VAMP7: variants seen among roughly 807,000 people sequenced by gnomAD.
VAMP7 encodes the protein vesicle associated membrane protein 7, also known as vesicle-associated membrane protein 7.
Under a neutral mutation model 29.6 loss-of-function variants are expected in VAMP7, and 14 were observed. That is an observed-to-expected ratio of 0.47 (90% CI 0.31 to 0.74). VAMP7 has a LOEUF of 0.74. Ranked by LOEUF, VAMP7 falls within the 30% of genes least tolerant of loss-of-function variation. The probability of loss-of-function intolerance (pLI) is 0.05; values close to 1 mark genes in which losing one functional copy is unlikely to be tolerated. For missense variants in VAMP7, 223 were observed against 262.4 expected, an observed-to-expected ratio of 0.85 and a Z score of 1.04; for synonymous variants, 95 against 88.1, an observed-to-expected ratio of 1.08 and a Z score of -0.44.
intron 2 of VAMP7, among the ~76,000 whole-genome samples, chrX:155,889,975 G>T (rs1458958004): frequency 6.6e-6 from 1 of 152,070 alleles, no homozygotes; most frequent in Non-Finnish European, 1.5e-5. Context: ...CAGGCACTTT[G>T]CTTGGTGCTG....
chrX:155,893,326 G>A (rs2065947352), intron 2 of VAMP7, among the ~76,000 whole-genome samples: 1 of 152,114 alleles, frequency 6.6e-6, no homozygotes, highest in Admixed American at 6.6e-5. Flanking sequence ...TGGAGATTTG[G>A]GAATCATTGG....
At chrX:155,899,840 A>G (rs1168731475) in intron 4 of VAMP7, among the ~76,000 whole-genome samples, 1 of 152,144 alleles carries the variant, frequency 6.6e-6, no homozygotes, top group Non-Finnish European at 1.5e-5. Flanking sequence ...TAGAGATAAT[A>G]GCATCGTTTC....
intron 4 of VAMP7, among the ~76,000 whole-genome samples, chrX:155,899,047 G>A (rs1173685445): frequency 6.6e-6 from 1 of 151,950 alleles, no homozygotes; most frequent in African/African-American, 2.4e-5. Context: ...CCTGTTGCTG[G>A]ATATTTGGGT....
At chrX:155,911,549 TC>T (rs1421881935) in intron 5 of VAMP7, among the ~76,000 whole-genome samples, 5 of 152,122 alleles carry the variant, frequency 3.3e-5, no homozygotes, top group African/African-American at 1.2e-4. Flanking sequence ...GGGCTTATGG[TC>T]ATTTTAATAA....
chrX:155,911,604 C>G (rs1298579925), intron 5 of VAMP7, among the ~76,000 whole-genome samples: 1 of 151,642 alleles, frequency 6.6e-6, no homozygotes, highest in African/African-American at 2.4e-5. Flanking sequence ...CTTTCTGTAT[C>G]TTTGTGTCAT....
chrX:155,899,850 C>G (rs184123008), intron 4 of VAMP7, among the ~76,000 whole-genome samples: 394 of 152,140 alleles, frequency 2.6e-3, no homozygotes, highest in African/African-American at 9.1e-3. Flanking sequence ...AGCATCGTTT[C>G]ATAGAGTTTT....
intron 6 of VAMP7, among the ~76,000 whole-genome samples, chrX:155,930,695 TA>T (rs1457169968): frequency 3.2e-3 from 480 of 149,098 alleles, no homozygotes; most frequent in African/African-American, 0.011. Flanking sequence ...TTTTATTTTT[TA>T]TTTTTTTTAT....
intron 5 of VAMP7, among the ~76,000 whole-genome samples, chrX:155,903,416 A>T (rs895109244): frequency 2.0e-5 from 3 of 152,186 alleles, no homozygotes; most frequent in African/African-American, 7.2e-5. Context: ...GAGTGAACAG[A>T]CAACCTACAA....
intron 7 of VAMP7, 147 bp from the exon 8 acceptor site, chrX:155,941,736 T>C (rs2066746464): frequency 1.0e-6 from 1 of 991,284 alleles, no homozygotes; most frequent in Non-Finnish European, 1.4e-6. Flanking sequence ...TCTTGGAAAA[T>C]ACTTGTTTAG....
chrX:155,911,308 G>C (rs1001957468), intron 5 of VAMP7, among the ~76,000 whole-genome samples: 3 of 152,068 alleles, frequency 2.0e-5, no homozygotes, highest in Non-Finnish European at 2.9e-5. Context: ...CATCGACCTT[G>C]TGTCTGTTTT....
At chrX:155,919,197 A>G (rs1169081293) in intron 5 of VAMP7, among the ~76,000 whole-genome samples, 2 of 152,154 alleles carry the variant, frequency 1.3e-5, no homozygotes, top group East Asian at 3.9e-4. Flanking sequence ...CAGTGAAGCC[A>G]GCTGATTCTG....
chrX:155,909,662 C>T (rs1381760796), intron 5 of VAMP7, among the ~76,000 whole-genome samples: 5 of 152,132 alleles, frequency 3.3e-5, no homozygotes, highest in African/African-American at 1.2e-4. Flanking sequence ...AATTTATTTT[C>T]TCACATTTCT....
In VAMP7 at chrX:155,889,676, GGTAGAAAA is replaced by G. The variant is rs1169348757; in HGVS notation, c.146+73_146+80del. The stretch of plus-strand genomic sequence containing the variant: ...GGAATTCTGTTACTCTAATCAGAAC[GGTAGAAAA>G]GTAGAAAACAAGCTTCTAGGTACAT... On this transcript the variant is annotated intron_variant, in intron 2 of 7. Coordinates refer to ENST00000286448, the MANE Select transcript of VAMP7 (RefSeq NM_005638.6). 4 of 1,531,220 alleles carry G rather than the reference GGTAGAAAA, an allele frequency of 2.6e-6. No homozygotes were observed. In the Admixed American group the frequency reaches 7.7e-5, roughly 29 times the overall value. 94.9% of individuals were successfully genotyped at this position (1,531,220 alleles called of 1,614,324 possible).
intron 6 of VAMP7, among the ~76,000 whole-genome samples, chrX:155,927,984 T>C (rs1487282875): frequency 6.6e-6 from 1 of 152,154 alleles, no homozygotes; most frequent in African/African-American, 2.4e-5. Context: ...AGTGGCACGA[T>C]CACAGCTTAC....
intron 2 of VAMP7, among the ~76,000 whole-genome samples, chrX:155,891,400 A>G (rs1200102432): frequency 2.0e-5 from 3 of 152,012 alleles, no homozygotes; most frequent in Non-Finnish European, 4.4e-5. Flanking sequence ...CTCCAAGTCC[A>G]GCATGTCTAG....
At chrX:155,929,905 G>C (rs753067959) in intron 6 of VAMP7, among the ~76,000 whole-genome samples, 1 of 152,254 alleles carries the variant, frequency 6.6e-6, no homozygotes, top group African/African-American at 2.4e-5. Flanking sequence ...CCTCAGATTT[G>C]ATAGTTCATT....
chrX:155,893,140 T>C lies in VAMP7; in HGVS notation c.147-2483T>C, dbSNP rs1234271304. 3.9e-5 allele frequency among the ~76,000 whole-genome samples: 6 copies of C among 152,290 alleles called. 1 individual carries two copies. The highest frequency in any genetic ancestry group is 1.5e-5 in the Non-Finnish European group (1 of 68,024). On this transcript the variant is annotated intron_variant, in intron 2 of 7. Transcript: ENST00000286448. Reference sequence around the variant, plus strand: ...GGCAGGGATCATACCTTGTTACCTTTTGTGGCCTGTGCACCAAGTGACTTA... The same window carrying C: ...GGCAGGGATCATACCTTGTTACCTTCTGTGGCCTGTGCACCAAGTGACTTA...
chrX:155,917,081 G>T (rs1486809708), intron 5 of VAMP7, among the ~76,000 whole-genome samples: 2 of 151,746 alleles, frequency 1.3e-5, no homozygotes, highest in Admixed American at 1.3e-4. Context: ...CTCTAATCTT[G>T]TCTTCACACT....
Position 155,925,625 on chromosome X carries a change from G to A in VAMP7, c.501+5745G>A, listed in dbSNP as rs774168233. ...GAACATTGGTTTGGCCTGGAAAGGCGGAACAACTCGAAGCAAAGGCGGGAA... is the reference window on the plus strand; with the variant it reads ...GAACATTGGTTTGGCCTGGAAAGGCAGAACAACTCGAAGCAAAGGCGGGAA... On this transcript the variant is annotated intron_variant, in intron 6 of 7. Coordinates refer to ENST00000286448, the MANE Select transcript of VAMP7 (RefSeq NM_005638.6). Among the ~76,000 whole-genome samples the A allele has an allele frequency of 8.5e-5, 13 of 152,340 alleles. No individual in the cohort carries two copies. The South Asian group carries it at 2.1e-3, about 24-fold the overall frequency.
Sources: gnomAD v4.1 joint callset for allele counts (sites outside exome capture counted in the v4.1 genomes callset) on GRCh38, gnomAD v4.1.1 for gene constraint, MANE v1.5 for transcripts, NCBI Gene and HGNC (gene_info 2026-07-23, HGNC 2026-07-21) for gene names.